COL6A3: variants seen among roughly 807,000 people sequenced by gnomAD.
The protein encoded by COL6A3 is collagen type VI alpha 3 chain, also known as collagen alpha-3(VI) chain.
COL6A3 carries 137 observed loss-of-function variants against 274.1 expected under a neutral mutation model. The observed-to-expected ratio is 0.50, with a 90% confidence interval of 0.44 to 0.58. COL6A3 has a LOEUF of 0.58. Ranked by LOEUF, COL6A3 falls within the 20% of genes least tolerant of loss-of-function variation. The probability of loss-of-function intolerance (pLI) is 0.00; values close to 1 mark genes in which losing one functional copy is unlikely to be tolerated. For synonymous variants in COL6A3, 1,650 were observed against 1,650.6 expected (o/e 1.00, Z 0.01); for missense variants, 3,950 against 4,124.9 (o/e 0.96, Z 1.16).
At chr2:237,341,986 A>G in intron 37 of COL6A3, 79 bp downstream of exon 37, 1 of 1,176,720 alleles carries the variant, frequency 8.5e-7, no homozygotes, top group Non-Finnish European at 1.3e-6. Flanking sequence ...ACAGATCATC[A>G]TTATTCTCTC....
Position 237,351,151 on chromosome 2 carries a change from T to G in COL6A3, c.6795A>C (p.Arg2265Ser). The G allele has an allele frequency of 6.2e-7, 1 of 1,614,244 alleles. No homozygotes were observed. The highest frequency in any genetic ancestry group is 8.5e-7 in the Non-Finnish European group (1 of 1,180,040). The change falls in exon 27 of 44, where the codon AGA (arginine) becomes AGC (serine). Residue 2265 changes from arginine (R) to serine (S), a missense_variant. This residue lies in a region of COL6A3 where 1,284 missense variants were observed against 1,349.7 expected (regional missense o/e 0.95). Transcript: ENST00000295550. ...GAAGAPGERG[R>S]TGPLGRKGEP... ...AAACCTTTCTTCCCAGTGGACCGGTTCTGCCTCGTTCTCCAGGAGCACCAG... is the reference window on the plus strand; with the variant it reads ...AAACCTTTCTTCCCAGTGGACCGGTGCTGCCTCGTTCTCCAGGAGCACCAG...
At chr2:237,327,456 T>A (rs146442525) in intron 42 of COL6A3, 1 of 152,520 alleles carries the variant, frequency 6.6e-6, no homozygotes, top group African/African-American at 2.4e-5. Flanking sequence ...ACTCCCCGTC[T>A]GATTGGCTTC....
At chr2:237,369,487 T>C (rs891310854) in intron 9 of COL6A3, among the ~76,000 whole-genome samples, 4 of 152,244 alleles carry the variant, frequency 2.6e-5, no homozygotes, top group African/African-American at 9.6e-5. Flanking sequence ...TAGAAATCAA[T>C]CTTGGGCTAC....
Position 237,340,541 on chromosome 2 carries a change from T to C in COL6A3, c.8375A>G (p.Asp2792Gly), listed in dbSNP as rs886044347. The C allele has an allele frequency of 1.1e-5, 17 of 1,614,022 alleles. No homozygotes were observed. The highest frequency in any genetic ancestry group is 1.4e-5 in the Non-Finnish European group (16 of 1,180,038). ...CTTGTCCACTAATTTGAAGAAGACG[T>C]CGTTTGGCTCACTGGCGAAGGTGTA... ...EVYTFASEPN[D>G]VFFKLVDKST... is the part of the protein sequence containing the mutation. The change falls in exon 38 of 44, where the codon GAC becomes GGC. Residue 2792 changes from aspartate (D) to glycine (G), a missense_variant. Transcript: ENST00000295550.
intron 1 of COL6A3, among the ~76,000 whole-genome samples, chr2:237,412,477 G>A (rs935538692): frequency 1.3e-5 from 2 of 152,210 alleles, no homozygotes; most frequent in African/African-American, 4.8e-5. Context: ...TCGCTCCCTG[G>A]CCTGGGCAAG....
intron 4 of COL6A3, among the ~76,000 whole-genome samples, chr2:237,384,039 G>C (rs1375132085): frequency 6.6e-6 from 1 of 152,086 alleles, no homozygotes; most frequent in Admixed American, 6.5e-5. Context: ...GATATGCCTA[G>C]AACCATGCTT....
chr2:237,399,316 T>C (rs1166496392), intron 1 of COL6A3, among the ~76,000 whole-genome samples: 1 of 152,162 alleles, frequency 6.6e-6, no homozygotes, highest in Non-Finnish European at 1.5e-5. Context: ...GTGGTATACT[T>C]GCTCAAAGCC....
chr2:237,357,746 G>T, intron 22 of COL6A3, 71 bp downstream of exon 22: 1 of 1,503,652 alleles, frequency 6.7e-7, no homozygotes, highest in Non-Finnish European at 9.3e-7. Flanking sequence ...TGTGGCTGCT[G>T]ATGAGCCGAG....
At position 237,413,225 on chromosome 2, in the gene COL6A3, C is replaced by T. The variant is rs1038180840; in HGVS notation, c.-31+728G>A. ...GGGCTGGCCCTGCAGCCCCAGGGGC[C>T]CTGCCTTAGACACTCAGCATGCTGC... is the stretch of plus-strand genomic sequence containing the variant. On this transcript the variant is annotated intron_variant, in intron 1 of 43. Transcript: ENST00000295550. This position sits in a 1 kb window ranked among gnomAD's most constrained non-coding sequence, Gnocchi z 4.0. Among the ~76,000 whole-genome samples, 1 of 152,220 alleles carries T rather than the reference C, an allele frequency of 6.6e-6. No individual in the cohort carries two copies. The highest frequency in any genetic ancestry group is 1.5e-5 in the Non-Finnish European group (1 of 68,034).
At chr2:237,346,459 C>G in intron 32 of COL6A3, 44 bp downstream of exon 32, 1 of 1,558,286 alleles carries the variant, frequency 6.4e-7, no homozygotes, top group Non-Finnish European at 8.8e-7. Flanking sequence ...ACGTGTAAAG[C>G]ACCCAGCCCC....
Position 237,341,061 on chromosome 2 carries a change from C to G in COL6A3, c.7855G>C (p.Asp2619His). 1 of 1,614,152 alleles carries G rather than the reference C, an allele frequency of 6.2e-7. No homozygotes were observed. Among genetic ancestry groups the G allele is most frequent in the Non-Finnish European group, 8.5e-7 (1 of 1,180,042 alleles). Reference protein sequence around the residue: ...RRAAGSDVDIDMAFILDSAET... With the variant: ...RRAAGSDVDIHMAFILDSAET... ...GCGCTGTCTAAGATGAAAGCCATGT[C>G]GATGTCCACATCGCTCCCTGCCGCT... Residue 2619 changes from aspartate (D) to histidine (H), a missense_variant, in exon 38 of 44, where the codon GAC (aspartate) becomes CAC (histidine). Coordinates refer to ENST00000295550, the MANE Select transcript of COL6A3 (RefSeq NM_004369.4).
intron 26 of COL6A3, among the ~76,000 whole-genome samples, chr2:237,351,490 C>T (rs765630370): frequency 6.6e-6 from 1 of 152,240 alleles, no homozygotes; most frequent in Non-Finnish European, 1.5e-5. Context: ...GACAGGACGG[C>T]AAGCTCCCAG....
intron 42 of COL6A3, chr2:237,333,172 C>T: frequency 2.0e-6 from 1 of 502,344 alleles, no homozygotes; most frequent in South Asian, 2.3e-5. Context: ...CAGTATGAGG[C>T]ACAGGAGAAA....
In COL6A3 at chr2:237,378,629, G is replaced by T. The variant is rs2077913887; in HGVS notation, c.2497+7C>A. On this transcript the variant is annotated splice_region_variant and intron_variant, in intron 6 of 43. Coordinates refer to ENST00000295550, the MANE Select transcript of COL6A3 (RefSeq NM_004369.4). Reference sequence around the variant, plus strand: ...AGAGGGAGTTCCCGGCAACAGGGGAGGTTTACCTGGCTGAGCGAGTGGTAC... The same window carrying T: ...AGAGGGAGTTCCCGGCAACAGGGGATGTTTACCTGGCTGAGCGAGTGGTAC... 6.2e-7 allele frequency: 1 copy of T among 1,612,404 alleles called. No homozygotes were observed. The highest frequency in any genetic ancestry group is 8.5e-7 in the Non-Finnish European group (1 of 1,180,022).
Position 237,387,851 on chromosome 2 carries a change from T to C in COL6A3, c.1043A>G (p.Gln348Arg). Residue 348 changes from glutamine (Q) to arginine (R), a missense_variant, in exon 4 of 44, where the codon CAG becomes CGG. This residue lies in a region of COL6A3 where 1,934 missense variants were observed against 1,984.3 expected (regional missense o/e 0.97). Coordinates refer to ENST00000295550, the MANE Select transcript of COL6A3 (RefSeq NM_004369.4). Reference protein sequence around the residue: ...GGSRVEEGVPQVLVLISAGPS... With the variant: ...GGSRVEEGVPRVLVLISAGPS... ...CCCGGCACTTATGAGGACCAGCACC[T>C]GGGGAACCCCTTCCTCCACGCGGCT... 6.2e-7 allele frequency: 1 copy of C among 1,614,168 alleles called. No homozygotes were observed. The highest frequency in any genetic ancestry group is 8.5e-7 in the Non-Finnish European group (1 of 1,180,028).
intron 5 of COL6A3, 76 bp from the exon 6 acceptor site, chr2:237,379,311 G>A: frequency 6.5e-7 from 1 of 1,546,388 alleles, no homozygotes. Context: ...TACAACACGT[G>A]CACACATGCC....
intron 42 of COL6A3, among the ~76,000 whole-genome samples, chr2:237,331,924 G>A (rs1432806083): frequency 6.7e-6 from 1 of 149,764 alleles, no homozygotes. Flanking sequence ...TTGCAGCCTT[G>A]AAAGAAACAC....
chr2:237,345,372 A>G (rs2077077426), intron 32 of COL6A3, among the ~76,000 whole-genome samples, 159 bp from the exon 33 acceptor site: 1 of 152,190 alleles, frequency 6.6e-6, no homozygotes, highest in South Asian at 2.1e-4. Flanking sequence ...ATCCCTTGCA[A>G]AGCAAAAAAG....
At position 237,324,685 on chromosome 2, in the gene COL6A3, G is replaced by A. The variant is rs1425900961; in HGVS notation, c.*89C>T. On this transcript the variant is annotated 3_prime_UTR_variant, in exon 44 of 44. Coordinates refer to ENST00000295550, the MANE Select transcript of COL6A3 (RefSeq NM_004369.4). ...AAAGCATGAAATGATACAGTGCAAG[G>A]GAATCTACACCCGGAGCTTCTACAG... The A allele has an allele frequency of 1.7e-6, 2 of 1,197,940 alleles. No homozygotes were observed. Among genetic ancestry groups the A allele is most frequent in the Non-Finnish European group, 2.5e-6 (2 of 807,172 alleles). The allele number at this position is 1,197,940 out of a possible 1,614,324, so 74.2% of individuals were successfully genotyped here.
Sources: allele counts gnomAD v4.1 joint callset (sites outside exome capture counted in the v4.1 genomes callset), GRCh38; gene constraint gnomAD v4.1.1; regional missense constraint gnomAD v4.1.1; non-coding constraint Gnocchi (gnomAD v3.1); transcripts MANE v1.5; gene names NCBI Gene and HGNC (gene_info 2026-07-23, HGNC 2026-07-21).